RRM2: variants seen among roughly 807,000 people sequenced by gnomAD.
RRM2 encodes the protein ribonucleoside-diphosphate reductase subunit M2.
Under a neutral mutation model 45.9 loss-of-function variants are expected in RRM2, and 6 were observed. The observed-to-expected ratio is 0.13, with a 90% confidence interval of 0.07 to 0.26. The LOEUF (loss-of-function observed/expected upper bound fraction) is 0.26. RRM2 is among the 10% of genes least tolerant of loss of function. The pLI is 1.00. For missense variants in RRM2, 343 were observed against 489.5 expected (o/e 0.70, Z 2.82); for synonymous variants, 177 against 173.0 (o/e 1.02, Z -0.18).
At position 10,127,071 on chromosome 2, in the gene RRM2, G is replaced by A. The variant is rs762576156; in HGVS notation, c.665-16G>A. 2.5e-6 allele frequency: 4 copies of A among 1,613,630 alleles called. No homozygotes were observed. The East Asian group carries it at 8.9e-5, about 36-fold the overall frequency. ...ACCAACTCACTAGAATCATGTTGGT[G>A]TTAACTCCTAAATAGGTGAACGTGT... On this transcript the variant is annotated splice_polypyrimidine_tract_variant and intron_variant, in intron 6 of 9. Transcript: ENST00000304567. The surrounding 1 kb of genome is among the most constrained non-coding windows in gnomAD (Gnocchi z 4.1).
rs549500114 is a variant in RRM2, at chr2:10,172,829, A to T, written n.482+30454A>T. 6.6e-6 allele frequency among the ~76,000 whole-genome samples: 1 copy of T among 152,332 alleles called. No homozygotes were observed. Among genetic ancestry groups the T allele is most frequent in the African/African-American group, 2.4e-5 (1 of 41,568 alleles). ...ATGGTGGCAGCAGAGCCTGAAACCG[A>T]GCTCAGGGCCCATCTGAGCAGGGGC... is the stretch of plus-strand genomic sequence containing the variant. On this transcript the variant is annotated intron_variant and non_coding_transcript_variant, in intron 3 of 3. Coordinates refer to the RRM2 transcript ENST00000381786. This position sits in a 1 kb window ranked among gnomAD's most constrained non-coding sequence, Gnocchi z 4.9.
chr2:10,141,992 G>A, intron 2 of RRM2: 2 of 1,570,352 alleles, frequency 1.3e-6, no homozygotes, highest in Non-Finnish European at 1.7e-6. Flanking sequence ...GACAAGGAAA[G>A]CAGGGAGGAA....
At chr2:10,151,059 C>A (rs1224181514) in intron 3 of RRM2, among the ~76,000 whole-genome samples, 7 of 152,062 alleles carry the variant, frequency 4.6e-5, no homozygotes, top group Non-Finnish European at 1.0e-4. Context: ...AGGTGATCCA[C>A]CCGCCTTGGC....
At chr2:10,132,994 C>T (rs570353001), downstream of RRM2, among the ~76,000 whole-genome samples, 22 of 152,126 alleles carry the variant, frequency 1.4e-4, no homozygotes, top group Admixed American at 4.6e-4. Context: ...ACATCCTCCC[C>T]GGCCTCACCC....
intron 3 of RRM2, among the ~76,000 whole-genome samples, chr2:10,148,143 CAAAAAAAA>C (rs374826185): frequency 7.5e-5 from 9 of 119,566 alleles, no homozygotes; most frequent in African/African-American, 9.2e-5. Flanking sequence ...GACCCTGACT[CAAAAAAAA>C]AAAAAAAAAA....
chr2:10,193,478 G>GC, intron 3 of RRM2, among the ~76,000 whole-genome samples: 1 of 152,288 alleles, frequency 6.6e-6, no homozygotes, highest in East Asian at 1.9e-4. Context: ...CCTCCATTCT[G>GC]CCCACTCCTC....
At chr2:10,187,223 G>A (rs1291353273) in intron 3 of RRM2, among the ~76,000 whole-genome samples, 2 of 152,210 alleles carry the variant, frequency 1.3e-5, no homozygotes, top group African/African-American at 4.8e-5. Context: ...CCAGCAGAAG[G>A]GTCCCGCAGG....
intron 3 of RRM2, among the ~76,000 whole-genome samples, chr2:10,164,287 G>A (rs1464960020): frequency 2.6e-5 from 4 of 152,190 alleles, no homozygotes; most frequent in Admixed American, 6.5e-5. Context: ...CACCAGCTGT[G>A]TGTGAAACCA....
chr2:10,200,460 CCGCGCGCG>C, intron 3 of RRM2, among the ~76,000 whole-genome samples: 1 of 82,326 alleles, frequency 1.2e-5, no homozygotes, highest in Non-Finnish European at 2.8e-5. Context: ...CCCACAGGGA[CCGCGCGCG>C]CAAAATATGA....
At chr2:10,178,066 T>A (rs1375459435) in intron 3 of RRM2, among the ~76,000 whole-genome samples, 1 of 147,690 alleles carries the variant, frequency 6.8e-6, no homozygotes, top group Admixed American at 6.8e-5. Flanking sequence ...GGACTACAGG[T>A]GCCCACCAAC....
chr2:10,152,845 G>A (rs2125315809), intron 3 of RRM2, among the ~76,000 whole-genome samples: 1 of 152,248 alleles, frequency 6.6e-6, no homozygotes, highest in Admixed American at 6.5e-5. Context: ...GACATGGTTG[G>A]TGGGGGTGTC....
intron 3 of RRM2, among the ~76,000 whole-genome samples, chr2:10,191,300 A>G (rs1250234824): frequency 6.6e-6 from 1 of 152,212 alleles, no homozygotes. Context: ...TCTGACATTT[A>G]TGAGCCATGT....
At chr2:10,208,033 C>T (rs1664695530) in intron 3 of RRM2, among the ~76,000 whole-genome samples, 1 of 152,100 alleles carries the variant, frequency 6.6e-6, no homozygotes, top group Admixed American at 6.5e-5. Context: ...TTTTTCACAT[C>T]CATGTGAATT....
intron 3 of RRM2, among the ~76,000 whole-genome samples, chr2:10,168,212 A>G (rs1334245440): frequency 6.6e-6 from 1 of 151,774 alleles, no homozygotes; most frequent in Non-Finnish European, 1.5e-5. Flanking sequence ...TCTCTCCCCA[A>G]CTGCAGAATC....
chr2:10,129,054 A>G lies in RRM2; in HGVS notation c.917A>G (p.Glu306Gly). 1 of 1,614,186 alleles carries G rather than the reference A, an allele frequency of 6.2e-7. No homozygotes were observed. The highest frequency in any genetic ancestry group is 8.5e-7 in the Non-Finnish European group (1 of 1,179,988). ...AVRIEQEFLT[E>G]ALPVKLIGMN... The stretch of plus-strand genomic sequence containing the variant: ...TTTGGTTCCTAGGAGTTCCTCACTG[A>G]GGCCTTGCCTGTGAAGCTCATTGGG... Residue 306 changes from glutamate (E) to glycine (G), a missense_variant, in exon 9 of 10, where the codon GAG becomes GGG. Physicochemically the swap from Glu to Gly is moderately conservative, Grantham distance 98. Coordinates refer to ENST00000304567, the MANE Select transcript of RRM2 (RefSeq NM_001034.4). This position sits in a 1 kb window ranked among gnomAD's most constrained non-coding sequence, Gnocchi z 4.8.
At position 10,177,516 on chromosome 2, in the gene RRM2, AT is replaced by A. The variant is rs2125324355; in HGVS notation, n.483-32794del. On this transcript the variant is annotated intron_variant and non_coding_transcript_variant, in intron 3 of 3. Coordinates refer to the RRM2 transcript ENST00000381786. The stretch of plus-strand genomic sequence containing the variant: ...TAATAACTATATTGATGTTGATTCA[AT>A]GTCCTCAGATCTCCCTAGCTTCCTT... Among the ~76,000 whole-genome samples, 2 of 152,272 alleles carry A rather than the reference AT, an allele frequency of 1.3e-5. 1 individual carries two copies. The highest frequency in any genetic ancestry group is 4.1e-4 in the South Asian group (2 of 4,824).
At chr2:10,188,356 T>C (rs1664214169) in intron 3 of RRM2, among the ~76,000 whole-genome samples, 1 of 152,176 alleles carries the variant, frequency 6.6e-6, no homozygotes, top group African/African-American at 2.4e-5. Flanking sequence ...GTAGACTCAG[T>C]TTCTAGTGGG....
At chr2:10,138,062 G>A (rs1663021683), upstream of RRM2, among the ~76,000 whole-genome samples, 2 of 152,026 alleles carry the variant, frequency 1.3e-5, no homozygotes, top group Admixed American at 1.3e-4. Flanking sequence ...GTGCAGTGAC[G>A]TGATCTCGGC....
At chr2:10,148,008 G>A (rs1223607745) in intron 3 of RRM2, among the ~76,000 whole-genome samples, 1 of 152,010 alleles carries the variant, frequency 6.6e-6, no homozygotes, top group African/African-American at 2.4e-5. Context: ...GCCAGGCGTA[G>A]TGGCAGGCGC....
Sources: allele counts gnomAD v4.1 joint callset (sites outside exome capture counted in the v4.1 genomes callset), GRCh38; gene constraint gnomAD v4.1.1; non-coding constraint Gnocchi (gnomAD v3.1); transcripts MANE v1.5; gene names NCBI Gene and HGNC (gene_info 2026-07-23, HGNC 2026-07-21).